The following GALNT7 variants were observed in gnomAD, a reference collection of about 807,000 sequenced individuals.
GALNT7 encodes the protein polypeptide N-acetylgalactosaminyltransferase 7.
GALNT7 carries 60 observed loss-of-function variants against 82.1 expected under a neutral mutation model. The ratio of observed to expected loss-of-function variants is 0.73; its 90% CI spans 0.59 to 0.91. GALNT7 has a LOEUF of 0.91. Among genes scored for constraint, GALNT7 ranks in the 40% least tolerant of loss-of-function variants. The probability of loss-of-function intolerance (pLI) is 0.00; values close to 1 mark genes in which losing one functional copy is unlikely to be tolerated. For missense variants in GALNT7, 660 were observed against 804.2 expected (o/e 0.82, Z 2.17); for synonymous variants, 243 against 275.1 (o/e 0.88, Z 1.15).
intron 2 of GALNT7, among the ~76,000 whole-genome samples, chr4:173,267,458 G>C (rs1735546667): frequency 6.6e-6 from 1 of 152,206 alleles, no homozygotes; most frequent in South Asian, 2.1e-4. Flanking sequence ...CAGATTACCA[G>C]CCAGTGGCTT....
chr4:173,198,682 C>T (rs966510445), intron 1 of GALNT7, among the ~76,000 whole-genome samples: 1 of 152,190 alleles, frequency 6.6e-6, no homozygotes, highest in African/African-American at 2.4e-5. Context: ...GTATGATAAC[C>T]TATTGGCATC....
At chr4:173,266,254 T>C (rs1357928072) in intron 2 of GALNT7, among the ~76,000 whole-genome samples, 1 of 152,132 alleles carries the variant, frequency 6.6e-6, no homozygotes, top group African/African-American at 2.4e-5. Context: ...AGCAAGACTC[T>C]GTCTCAAAAA....
intron 1 of GALNT7, among the ~76,000 whole-genome samples, chr4:173,216,362 A>G (rs10009959): frequency 0.9 from 137,005 of 152,150 alleles, 63,065 homozygotes; most frequent in Non-Finnish European, 1. Context: ...GATAAGTACA[A>G]TAGTGGAGGG....
intron 1 of GALNT7, among the ~76,000 whole-genome samples, chr4:173,236,701 A>T (rs147375290): frequency 2.0e-5 from 3 of 152,310 alleles, no homozygotes; most frequent in Admixed American, 1.3e-4. Flanking sequence ...CCGCCTATGT[A>T]CTGGGGAGCC....
chr4:173,275,509 G>A (rs1343335121), intron 2 of GALNT7, among the ~76,000 whole-genome samples: 1 of 152,182 alleles, frequency 6.6e-6, no homozygotes, highest in Non-Finnish European at 1.5e-5. Flanking sequence ...TGAGCTGTGG[G>A]TCAGAGAAGG....
chr4:173,176,421 T>G (rs747957794), intron 1 of GALNT7, among the ~76,000 whole-genome samples: 1 of 152,246 alleles, frequency 6.6e-6, no homozygotes, highest in Non-Finnish European at 1.5e-5. Flanking sequence ...TTGCTGCCCA[T>G]TAGCCATTAT....
intron 1 of GALNT7, among the ~76,000 whole-genome samples, chr4:173,189,856 T>C (rs1429061588): frequency 6.6e-6 from 1 of 152,234 alleles, no homozygotes; most frequent in African/African-American, 2.4e-5. Flanking sequence ...CTTATGGAAA[T>C]ACATGAAGGC....
intron 1 of GALNT7, among the ~76,000 whole-genome samples, chr4:173,243,467 A>C (rs1734500529): frequency 6.6e-6 from 1 of 152,226 alleles, no homozygotes; most frequent in African/African-American, 2.4e-5. Context: ...AGAGTGGATC[A>C]GCTGGTGTTT....
intron 1 of GALNT7, among the ~76,000 whole-genome samples, chr4:173,208,631 T>C (rs1346502523): frequency 6.6e-6 from 1 of 152,208 alleles, no homozygotes; most frequent in Non-Finnish European, 1.5e-5. Flanking sequence ...TGCAGCTCTT[T>C]CGCTGGTTCA....
At chr4:173,288,151 C>T (rs952452800) in intron 2 of GALNT7, among the ~76,000 whole-genome samples, 2 of 150,572 alleles carry the variant, frequency 1.3e-5, no homozygotes, top group African/African-American at 5.0e-5. Context: ...GGCCTGGTAG[C>T]GGGCGCCTGT....
intron 1 of GALNT7, among the ~76,000 whole-genome samples, chr4:173,246,972 C>G (rs1734658217): frequency 6.6e-6 from 1 of 152,094 alleles, no homozygotes; most frequent in Non-Finnish European, 1.5e-5. Flanking sequence ...TTATAACGAG[C>G]AGCCCTCCCA....
At chr4:173,275,698 A>C (rs1374420319) in intron 2 of GALNT7, among the ~76,000 whole-genome samples, 1 of 152,186 alleles carries the variant, frequency 6.6e-6, no homozygotes, top group Non-Finnish European at 1.5e-5. Context: ...CTCCAAACCC[A>C]TTGATTATTT....
chr4:173,227,952 T>G (rs1003623989), intron 1 of GALNT7, among the ~76,000 whole-genome samples: 1 of 152,122 alleles, frequency 6.6e-6, no homozygotes, highest in Non-Finnish European at 1.5e-5. Context: ...GCCATAAATA[T>G]TGTTTCTATG....
intron 1 of GALNT7, among the ~76,000 whole-genome samples, chr4:173,216,555 C>T (rs1733469522): frequency 6.6e-6 from 1 of 151,450 alleles, no homozygotes; most frequent in Admixed American, 6.6e-5. Context: ...TATGAAAGAA[C>T]CTACTAGGAT....
chr4:173,303,223 A>G (rs17059281), intron 7 of GALNT7, among the ~76,000 whole-genome samples: 13,508 of 151,984 alleles, frequency 0.089, 1,955 homozygotes, highest in African/African-American at 0.3. Flanking sequence ...AGCGAGCGTT[A>G]TGCTAGATGC....
chr4:173,225,047 A>AT (rs1425009154), intron 1 of GALNT7, among the ~76,000 whole-genome samples: 12 of 147,536 alleles, frequency 8.1e-5, no homozygotes, highest in African/African-American at 3.1e-4. Context: ...AATAATAATA[A>AT]TAATTATAAT....
intron 1 of GALNT7, among the ~76,000 whole-genome samples, chr4:173,232,168 GTGAC>G (rs1734050360): frequency 6.6e-6 from 1 of 152,006 alleles, no homozygotes; most frequent in Non-Finnish European, 1.5e-5. Context: ...CTGAAGGGAC[GTGAC>G]TGACTAATGA....
chr4:173,182,896 G>A (rs1371966562), intron 1 of GALNT7, among the ~76,000 whole-genome samples: 2 of 140,470 alleles, frequency 1.4e-5, no homozygotes, highest in East Asian at 4.2e-4. Context: ...CCAAACCTTT[G>A]AATGATGAGG....
At chr4:173,300,377 A>G (rs1179197342) in intron 6 of GALNT7, among the ~76,000 whole-genome samples, 1 of 152,196 alleles carries the variant, frequency 6.6e-6, no homozygotes, top group Non-Finnish European at 1.5e-5. Context: ...AGCAGCTGTG[A>G]TAAGTAGTAT....
Sources: allele counts gnomAD v4.1 joint callset (sites outside exome capture counted in the v4.1 genomes callset), GRCh38; gene constraint gnomAD v4.1.1; transcripts MANE v1.5; gene names NCBI Gene and HGNC (gene_info 2026-07-23, HGNC 2026-07-21).